Variants in TAOK2 observed in about 807,000 individuals in gnomAD.
The protein encoded by TAOK2 is TAO kinase 2.
TAOK2 carries 42 observed loss-of-function variants against 122.5 expected under a neutral mutation model. The ratio of observed to expected loss-of-function variants is 0.34; its 90% CI spans 0.27 to 0.44. The LOEUF is 0.44. Among genes scored for constraint, TAOK2 ranks in the 20% least tolerant of loss-of-function variants. TAOK2 has a pLI of 1.00. For synonymous variants in TAOK2, 704 were observed against 677.6 expected (o/e 1.04, Z -0.61); for missense variants, 1,264 against 1,644.9 (o/e 0.77, Z 4.01).
At chr16:29,983,429 T>C (rs2069682378) in intron 12 of TAOK2, 74 bp from the exon 13 acceptor site, 1 of 1,563,696 alleles carries the variant, frequency 6.4e-7, no homozygotes, top group Non-Finnish European at 8.7e-7. Context: ...CTGAGTCTGA[T>C]TGGCTGTCCT....
In TAOK2 at chr16:29,985,923, T is replaced by G. The variant is rs958380649; in HGVS notation, c.1992+62T>G. Reference sequence around the variant, plus strand: ...CGTGGATCCCAGGGACCCACCCTTTTCCATTTTCCTCATTCTTGTCTTCTT... The same window carrying G: ...CGTGGATCCCAGGGACCCACCCTTTGCCATTTTCCTCATTCTTGTCTTCTT... On this transcript the variant is annotated intron_variant, in intron 15 of 15. Coordinates refer to ENST00000308893, the MANE Select transcript of TAOK2 (RefSeq NM_016151.4). This position sits in a 1 kb window ranked among gnomAD's most constrained non-coding sequence, Gnocchi z 6.9. 3.0e-5 allele frequency: 47 copies of G among 1,546,036 alleles called. No individual in the cohort carries two copies. In the Middle Eastern group the frequency reaches 1.9e-3, roughly 61 times the overall value.
In TAOK2 at chr16:29,987,687, A is replaced by G. The variant is rs1340533086; in HGVS notation, c.3415A>G (p.Thr1139Ala). ...VPGPRRRNPRTTQHPLALLAR... is the reference protein window; with the variant it reads ...VPGPRRRNPRATQHPLALLAR... ...TGGGCCCCGGCGGCGTAATCCCCGC[A>G]CCACCCAACACCCATTAGCTCTGTT... The change falls in exon 16 of 16, where the codon ACC becomes GCC. Residue 1139 changes from threonine to alanine, a missense_variant. This residue lies in a region of TAOK2 where 824 missense variants were observed against 908.7 expected (regional missense o/e 0.91). Transcript: ENST00000308893. The G allele has an allele frequency of 6.2e-7, 1 of 1,613,928 alleles. No homozygotes were observed. Among genetic ancestry groups the G allele is most frequent in the Non-Finnish European group, 8.5e-7 (1 of 1,179,924 alleles).
chr16:29,981,481 G>T (rs1005832920), intron 8 of TAOK2, 180 bp from the exon 9 acceptor site: 2 of 678,418 alleles, frequency 2.9e-6, no homozygotes, highest in Non-Finnish European at 5.4e-6. Context: ...GAGAGGATGG[G>T]TGTTGTATTT....
At chr16:29,977,473 G>T (rs1004037642) in intron 1 of TAOK2, among the ~76,000 whole-genome samples, 4 of 152,158 alleles carry the variant, frequency 2.6e-5, no homozygotes, top group Non-Finnish European at 5.9e-5. Flanking sequence ...GTTGAGCACT[G>T]AAGGGGGTGG....
At position 29,985,959 on chromosome 16, in the gene TAOK2, C is replaced by A; in HGVS notation, c.1992+98C>A. 7.1e-7 allele frequency: 1 copy of A among 1,409,818 alleles called. No homozygotes were observed. Among genetic ancestry groups the A allele is most frequent in the South Asian group, 1.3e-5 (1 of 76,044 alleles). 87.3% of individuals were successfully genotyped at this position (1,409,818 alleles called of 1,614,324 possible). A position where few individuals can be genotyped will look rare whatever the true frequency, so the allele number is the denominator to read the frequency against. On this transcript the variant is annotated intron_variant, in intron 15 of 15. Transcript: ENST00000308893. The surrounding 1 kb of genome is among the most constrained non-coding windows in gnomAD (Gnocchi z 6.9). ...CATTCTTGTCTTCTTTCTCCTTGGCCCTCGAGTGTTACAGTTCAGCTTTGC... is the reference window on the plus strand; with the variant it reads ...CATTCTTGTCTTCTTTCTCCTTGGCACTCGAGTGTTACAGTTCAGCTTTGC...
chr16:29,989,482 C>T (rs765035638), downstream of TAOK2: 1 of 1,541,966 alleles, frequency 6.5e-7, no homozygotes, highest in African/African-American at 1.4e-5. Context: ...CTCCTCTCCT[C>T]TTCTCTCTCT....
In TAOK2 at chr16:29,986,844, G is replaced by C; in HGVS notation, c.2572G>C (p.Glu858Gln). Residue 858 changes from glutamate to glutamine, a missense_variant, in exon 16 of 16, where the codon GAG becomes CAG. By Grantham distance (29) the Glu-to-Gln change is conservative. This residue lies in a region of TAOK2 where 824 missense variants were observed against 908.7 expected (regional missense o/e 0.91). Transcript: ENST00000308893. This position sits in a 1 kb window ranked among gnomAD's most constrained non-coding sequence, Gnocchi z 4.2. ...TAGGGTGCCCTCCCTTGTACCCCAG[G>C]AGAGGAGCATTGTTGGCCAGGAGGA... is the stretch of plus-strand genomic sequence containing the variant. ...ELRVPSLVPQ[E>Q]RSIVGQEEAG... is the part of the protein sequence containing the mutation. 3 of 1,614,026 alleles carry C rather than the reference G, an allele frequency of 1.9e-6. No homozygotes were observed. The highest frequency in any genetic ancestry group is 2.5e-6 in the Non-Finnish European group (3 of 1,179,942).
downstream of TAOK2, chr16:29,988,576 C>T (rs1442003362): frequency 1.0e-5 from 10 of 985,310 alleles, no homozygotes; most frequent in Admixed American, 6.1e-5. Flanking sequence ...CCATGACCAC[C>T]ACCGGCTCTG....
Position 29,985,097 on chromosome 16 carries a change from A to T in TAOK2, c.1423-116A>T. 7.6e-7 allele frequency: 1 copy of T among 1,318,124 alleles called. No individual in the cohort carries two copies. Among genetic ancestry groups the T allele is most frequent in the Non-Finnish European group, 9.9e-7 (1 of 1,008,950 alleles). The allele number at this position is 1,318,124 out of a possible 1,614,324, so 81.7% of individuals were successfully genotyped here. The stretch of plus-strand genomic sequence containing the variant: ...AGTGGCCGTGTGTGAGGAAGGTGTT[A>T]AATGAGAATGAAACCCATGAGTTGA... On this transcript the variant is annotated intron_variant, in intron 13 of 15. Transcript: ENST00000308893. The surrounding 1 kb of genome is among the most constrained non-coding windows in gnomAD (Gnocchi z 6.9).
chr16:29,976,761 G>A (rs1374505042), intron 1 of TAOK2, among the ~76,000 whole-genome samples: 2 of 152,234 alleles, frequency 1.3e-5, no homozygotes, highest in Non-Finnish European at 2.9e-5. Context: ...GCCTAACCGG[G>A]GAGCCGAAGG....
rs992122323 is a variant in TAOK2 at position 29,986,575 on chromosome 16, G to A, written c.2303G>A (p.Gly768Asp). 4 of 1,613,852 alleles carry A rather than the reference G, an allele frequency of 2.5e-6. No homozygotes were observed. Among genetic ancestry groups the A allele is most frequent in the Middle Eastern group, 1.7e-4 (1 of 6,056 alleles). The change falls in exon 16 of 16, where the codon GGC (glycine) becomes GAC (aspartate). Residue 768 changes from glycine to aspartate, a missense_variant. Around this residue, in one of 4 missense-constraint regions of TAOK2, gnomAD observed 824 missense variants for 908.7 expected, o/e 0.91. Transcript: ENST00000308893. This position sits in a 1 kb window ranked among gnomAD's most constrained non-coding sequence, Gnocchi z 4.2. ...GGGGCTCTGGGCCCACCCAACACAG[G>A]CACCCCTATAGAACAGCAGCCCTGC... Reference protein sequence around the residue: ...IPGALGPPNTGTPIEQQPCSP... With the variant: ...IPGALGPPNTDTPIEQQPCSP...
chr16:29,974,971 C>T (rs1365066332), intron 1 of TAOK2, among the ~76,000 whole-genome samples: 1 of 152,166 alleles, frequency 6.6e-6, no homozygotes, highest in Non-Finnish European at 1.5e-5. Context: ...GCCACCTCTC[C>T]TCCCTGATAT....
chr16:29,991,038 A>C (rs769221905), downstream of TAOK2: 2 of 1,575,884 alleles, frequency 1.3e-6, no homozygotes, highest in Non-Finnish European at 8.6e-7. The surrounding 1 kb of genome is among the most constrained non-coding windows in gnomAD (Gnocchi z 5.6). Flanking sequence ...TCTGTTCCGG[A>C]TGCCCCAGGT....
chr16:29,986,833 T>G lies in TAOK2; in HGVS notation c.2561T>G (p.Leu854Arg), dbSNP rs149357185. The G allele has an allele frequency of 1.1e-5, 18 of 1,613,826 alleles. No homozygotes were observed. The highest frequency in any genetic ancestry group is 1.5e-5 in the Non-Finnish European group (18 of 1,179,948). ...ATAGAGGAGCTTAGGGTGCCCTCCC[T>G]TGTACCCCAGGAGAGGAGCATTGTT... ...EEIEELRVPS[L>R]VPQERSIVGQ... is the part of the protein sequence containing the mutation. The change falls in exon 16 of 16, where the codon CTT (leucine) becomes CGT (arginine). Residue 854 changes from leucine (L) to arginine (R), a missense_variant. Coordinates refer to ENST00000308893, the MANE Select transcript of TAOK2 (RefSeq NM_016151.4). This position sits in a 1 kb window ranked among gnomAD's most constrained non-coding sequence, Gnocchi z 4.2.
chr16:29,991,006 G>C, downstream of TAOK2: 7 of 1,589,392 alleles, frequency 4.4e-6, no homozygotes, highest in Non-Finnish European at 6.0e-6. The surrounding 1 kb of genome is among the most constrained non-coding windows in gnomAD (Gnocchi z 5.6). Context: ...GGGAGGGTGG[G>C]CTCCTGCCCC....
rs541282057 is a variant in TAOK2, at chr16:29,979,841, A to C, written c.655+333A>C. Among the ~76,000 whole-genome samples, 209 of 152,314 alleles carry C rather than the reference A, an allele frequency of 1.4e-3. No individual in the cohort carries two copies. Among genetic ancestry groups the C allele is most frequent in the African/African-American group, 4.7e-3 (195 of 41,564 alleles). On this transcript the variant is annotated intron_variant, in intron 8 of 15. Coordinates refer to ENST00000308893, the MANE Select transcript of TAOK2 (RefSeq NM_016151.4). The surrounding 1 kb of genome is among the most constrained non-coding windows in gnomAD (Gnocchi z 4.1). ...TGGAACTTACATTTGATTTAGGGAA[A>C]CCAGGCAGGCATGTTTTCTTTCAAT...
In TAOK2 at chr16:29,985,574, A is replaced by G. The variant is rs1567246698; in HGVS notation, c.1784A>G (p.Lys595Arg). The change falls in exon 14 of 16, where the codon AAG becomes AGG. Residue 595 changes from lysine to arginine, a missense_variant. Around this residue, in one of 4 missense-constraint regions of TAOK2, gnomAD observed 824 missense variants for 908.7 expected, o/e 0.91. Coordinates refer to ENST00000308893, the MANE Select transcript of TAOK2 (RefSeq NM_016151.4). The surrounding 1 kb of genome is among the most constrained non-coding windows in gnomAD (Gnocchi z 6.9). ...TACAAACTTCGCAAGGAACAGCTGA[A>G]GGAGGTGAGCTAGGGCTGCTTGGGG... Reference protein sequence around the residue: ...RTYKLRKEQLKEELQENPSTP... With the variant: ...RTYKLRKEQLREELQENPSTP... 1 of 1,602,782 alleles carries G rather than the reference A, an allele frequency of 6.2e-7. No individual in the cohort carries two copies. Among genetic ancestry groups the G allele is most frequent in the East Asian group, 2.2e-5 (1 of 44,688 alleles).
At chr16:29,991,697 T>A, downstream of TAOK2, 2 of 1,188,846 alleles carry the variant, frequency 1.7e-6, no homozygotes, top group Non-Finnish European at 1.1e-6. This position sits in a 1 kb window ranked among gnomAD's most constrained non-coding sequence, Gnocchi z 5.6. Flanking sequence ...CCCTCAGACC[T>A]CCTCATCTCA....
downstream of TAOK2, chr16:29,991,643 G>A (rs531798069): frequency 7.8e-6 from 11 of 1,402,986 alleles, no homozygotes; most frequent in African/African-American, 3.0e-5. The surrounding 1 kb of genome is among the most constrained non-coding windows in gnomAD (Gnocchi z 5.6). Context: ...GCACTGAGCT[G>A]GAGGCCCCTG....
Sources: gnomAD v4.1 joint callset for allele counts (sites outside exome capture counted in the v4.1 genomes callset) on GRCh38, gnomAD v4.1.1 for gene constraint, gnomAD v4.1.1 regional missense constraint, Gnocchi (gnomAD v3.1) non-coding constraint, MANE v1.5 for transcripts, NCBI Gene and HGNC (gene_info 2026-07-23, HGNC 2026-07-21) for gene names.